Variants in CTTN observed in about 807,000 individuals in gnomAD.
CTTN encodes the protein src substrate cortactin.
A neutral mutation model predicts 84.0 loss-of-function variants in CTTN; 28 were observed. The observed-to-expected ratio is 0.33, with a 90% CI of 0.25 to 0.46. The LOEUF (loss-of-function observed/expected upper bound fraction) is 0.46. Ranked by LOEUF, CTTN falls within the 20% of genes least tolerant of loss-of-function variation. The pLI, the probability that CTTN is intolerant of heterozygous loss-of-function variation, is 1.00. For synonymous variants in CTTN, 301 were observed against 288.8 expected (o/e 1.04, Z -0.43); for missense variants, 641 against 723.8 (o/e 0.89, Z 1.31).
intron 9 of CTTN, chr11:70,420,113 G>A (rs1033097378): frequency 2.3e-5 from 14 of 596,756 alleles, no homozygotes; most frequent in East Asian, 8.3e-5. Context: ...TGTGTTGCCC[G>A]TGTGAGCCTG....
At chr11:70,401,008 G>A (rs912051814) in intron 1 of CTTN, among the ~76,000 whole-genome samples, 2 of 152,226 alleles carry the variant, frequency 1.3e-5, no homozygotes, top group Non-Finnish European at 2.9e-5. Flanking sequence ...ATGGAAAGCT[G>A]ATGGTGGACG....
At chr11:70,428,210 G>A (rs2058320013) in intron 13 of CTTN, among the ~76,000 whole-genome samples, 1 of 124,104 alleles carries the variant, frequency 8.1e-6, no homozygotes, top group Non-Finnish European at 1.6e-5. Flanking sequence ...TCTGTCGCGA[G>A]ACTGGAGTGC....
At chr11:70,415,265 A>G (rs2058144915) in intron 6 of CTTN, among the ~76,000 whole-genome samples, 2 of 152,248 alleles carry the variant, frequency 1.3e-5, no homozygotes, top group South Asian at 4.1e-4. Context: ...TCAGATGCCC[A>G]TCGCAGTGCC....
rs949918668 is a variant in CTTN at position 70,420,563 on chromosome 11, C to T, written c.790+53C>T. The T allele has an allele frequency of 1.7e-5, 23 of 1,324,702 alleles. No individual in the cohort carries two copies. The South Asian group carries it at 2.1e-4, about 12-fold the overall frequency. 82.1% of individuals were successfully genotyped at this position (1,324,702 alleles called of 1,614,324 possible). ...TGGTTTTAGAAGTTTGTTTTTGTTC[C>T]TTGCGGGGTCAGTTGGTATGTGTTG... On this transcript the variant is annotated intron_variant, in intron 10 of 17. Coordinates refer to ENST00000301843, the MANE Select transcript of CTTN (RefSeq NM_005231.4).
In CTTN at chr11:70,401,661, C is replaced by CA. The variant is rs1210073736; in HGVS notation, c.-98+3058dup. Among the ~76,000 whole-genome samples, 1,169 of 137,460 alleles carry CA rather than the reference C, an allele frequency of 8.5e-3. 5 individuals are homozygous for CA. Among genetic ancestry groups the CA allele is most frequent in the African/African-American group, 0.025 (936 of 38,114 alleles). The allele number at this position is 137,460 out of a possible 152,430, so 90.2% of individuals were successfully genotyped here. A position where few individuals can be genotyped will look rare whatever the true frequency, so the allele number is the denominator to read the frequency against. ...AGACTTCGTCTCAAACAAAAAAAAA[C>CA]AAAAAAAAAAAGAGAGAGAAAAATC... On this transcript the variant is annotated intron_variant, in intron 1 of 17. Coordinates refer to ENST00000301843, the MANE Select transcript of CTTN (RefSeq NM_005231.4).
At chr11:70,404,950 C>T (rs529425688) in intron 1 of CTTN, among the ~76,000 whole-genome samples, 4 of 152,260 alleles carry the variant, frequency 2.6e-5, no homozygotes, top group African/African-American at 9.6e-5. Flanking sequence ...TGCGGTAAGC[C>T]GCGATTGTGC....
chr11:70,429,124 G>A lies in CTTN; in HGVS notation c.1101G>A (p.Arg367=), dbSNP rs775633486. 9.3e-6 allele frequency: 15 copies of A among 1,614,064 alleles called. No individual in the cohort carries two copies. The highest frequency in any genetic ancestry group is 1.2e-5 in the Non-Finnish European group (14 of 1,180,048). The change falls in exon 14 of 18, where the codon CGG becomes CGA. Residue 367 remains arginine, a synonymous_variant. Coordinates refer to ENST00000301843, the MANE Select transcript of CTTN (RefSeq NM_005231.4). The part of the protein sequence containing the change: ...LAKEKEQEDR[R]KAEAERAQRM... ...AGGAGAAAGAGCAGGAGGACAGGCG[G>A]AAGGCGGAGGCGGAGAGAGCCCAGC... is the stretch of plus-strand genomic sequence containing the variant.
At chr11:70,414,086 C>T (rs971741410) in intron 5 of CTTN, among the ~76,000 whole-genome samples, 39 of 151,904 alleles carry the variant, frequency 2.6e-4, no homozygotes, top group African/African-American at 8.9e-4. Flanking sequence ...TGTCTCACGC[C>T]TGTAATCCCA....
chr11:70,434,455 C>G (rs144206827), intron 17 of CTTN, among the ~76,000 whole-genome samples: 1 of 152,398 alleles, frequency 6.6e-6, no homozygotes, highest in Non-Finnish European at 1.5e-5. Flanking sequence ...AACTTTCCAT[C>G]AGCGCGGAAG....
At chr11:70,423,781 G>A (rs11602439) in intron 12 of CTTN, among the ~76,000 whole-genome samples, 11,741 of 152,230 alleles carry the variant, frequency 0.077, 638 homozygotes, top group Non-Finnish European at 0.11. Context: ...CATTCTGCAT[G>A]TCGTGACATG....
intron 1 of CTTN, among the ~76,000 whole-genome samples, chr11:70,400,326 C>T (rs1371046778): frequency 6.6e-6 from 1 of 152,088 alleles, no homozygotes; most frequent in Non-Finnish European, 1.5e-5. Context: ...ATTCGCTGGG[C>T]ATGTTGGCTT....
rs759044304 is a variant in CTTN, at chr11:70,419,780, C to G, written c.603C>G (p.Ile201Met). The G allele has an allele frequency of 1.2e-6, 2 of 1,611,554 alleles. No individual in the cohort carries two copies. The highest frequency in any genetic ancestry group is 1.1e-5 in the South Asian group (1 of 90,154). ...AAGGTTTCGGCGGCAAATACGGTAT[C>G]GACAAGGACAAAGTGGATAAGAGCG... is the stretch of plus-strand genomic sequence containing the variant. ...YSKGFGGKYG[I>M]DKDKVDKSAV... Residue 201 changes from isoleucine to methionine, a missense_variant, in exon 9 of 18, where the codon ATC becomes ATG. By Grantham distance (10) the Ile-to-Met change is conservative. This residue lies in a region of CTTN where 284 missense variants were observed against 348.4 expected (regional missense o/e 0.82). Transcript: ENST00000301843.
chr11:70,433,700 CT>C lies in CTTN; in HGVS notation c.1499del (p.Leu500ArgfsTer25). Reference sequence around the variant, plus strand: ...CGATCTGGGGATCACAGCCGTCGCCCTGTACGACTACCAGGCTGGTGAGCGG... The same window carrying C: ...CGATCTGGGGATCACAGCCGTCGCCCGTACGACTACCAGGCTGGTGAGCGG... The part of the protein sequence containing the change: ...ENDLGITAVA[L>X]YDYQAAGDDE... On this transcript the variant is annotated frameshift_variant, in exon 17 of 18. Coordinates refer to ENST00000301843, the MANE Select transcript of CTTN (RefSeq NM_005231.4). LOFTEE classifies it high-confidence loss of function. The C allele has an allele frequency of 6.2e-7, 1 of 1,613,706 alleles. No homozygotes were observed. Among genetic ancestry groups the C allele is most frequent in the Non-Finnish European group, 8.5e-7 (1 of 1,179,646 alleles).
chr11:70,423,792 C>T (rs2058270074), intron 12 of CTTN, among the ~76,000 whole-genome samples: 3 of 152,178 alleles, frequency 2.0e-5, no homozygotes, highest in East Asian at 1.9e-4. Context: ...TCGTGACATG[C>T]GTCACACACC....
At chr11:70,419,191 A>T (rs774000909) in intron 8 of CTTN, among the ~76,000 whole-genome samples, 1 of 150,744 alleles carries the variant, frequency 6.6e-6, no homozygotes, top group Admixed American at 6.6e-5. Flanking sequence ...GCTCACTGCA[A>T]CCTTCACCTC....
intron 1 of CTTN, among the ~76,000 whole-genome samples, chr11:70,404,732 A>G (rs1316749919): frequency 2.6e-5 from 4 of 152,220 alleles, no homozygotes; most frequent in Non-Finnish European, 5.9e-5. Context: ...GCCGGGCGCC[A>G]TGCCTCACAC....
chr11:70,404,504 C>T (rs2058021561), intron 1 of CTTN, among the ~76,000 whole-genome samples: 1 of 152,176 alleles, frequency 6.6e-6, no homozygotes, highest in African/African-American at 2.4e-5. Flanking sequence ...TAGACAGTCA[C>T]CATACTGGTT....
intron 8 of CTTN, among the ~76,000 whole-genome samples, chr11:70,418,134 A>C (rs2058185096): frequency 6.6e-6 from 1 of 152,184 alleles, no homozygotes; most frequent in Non-Finnish European, 1.5e-5. Context: ...AAAAAAAAAA[A>C]ATTACCCCAA....
intron 5 of CTTN, among the ~76,000 whole-genome samples, chr11:70,411,421 G>T (rs183064064): frequency 7.2e-5 from 11 of 151,798 alleles, no homozygotes; most frequent in African/African-American, 2.4e-4. Flanking sequence ...GTTCAGTGCA[G>T]CGAGCGAAGC....
Sources: gnomAD v4.1 joint callset for allele counts (sites outside exome capture counted in the v4.1 genomes callset) on GRCh38, gnomAD v4.1.1 for gene constraint, gnomAD v4.1.1 regional missense constraint, MANE v1.5 for transcripts, NCBI Gene and HGNC (gene_info 2026-07-23, HGNC 2026-07-21) for gene names.